The following LRRC37A2 variants were observed in gnomAD, a reference collection of about 807,000 sequenced individuals.
The protein encoded by LRRC37A2 is leucine rich repeat containing 37 member A2.
In LRRC37A2, 9 loss-of-function variants were observed where a neutral mutation model predicts 68.8. The observed-to-expected ratio is 0.13, with a 90% CI of 0.08 to 0.23. The LOEUF (loss-of-function observed/expected upper bound fraction) is 0.23. LRRC37A2 is among the 10% of genes least tolerant of loss of function. The pLI is 1.00. For synonymous variants in LRRC37A2, 63 were observed against 367.6 expected, an observed-to-expected ratio of 0.17 and a Z score of 9.48; for missense variants, 168 against 950.4, an observed-to-expected ratio of 0.18 and a Z score of 10.82.
the LRRC37A2 span, among the ~76,000 whole-genome samples, chr17:46,896,365 A>G: frequency 4.0e-4 from 60 of 149,496 alleles, no homozygotes; most frequent in Admixed American, 1.9e-3. Flanking sequence ...AAAAGAAAGA[A>G]AGAGAGAGAG....
the LRRC37A2 span, among the ~76,000 whole-genome samples, chr17:46,454,078 AAC>A: frequency 1.1e-5 from 1 of 91,328 alleles, no homozygotes; most frequent in African/African-American, 4.1e-5. Flanking sequence ...TTTAGTTCAA[AAC>A]ACATTAATTT....
intron 6 of LRRC37A2, among the ~76,000 whole-genome samples, chr17:46,534,863 G>A (rs574788305): frequency 6.7e-6 from 1 of 149,776 alleles, no homozygotes; most frequent in Non-Finnish European, 1.5e-5. Flanking sequence ...CGGCTGCCGG[G>A]CAGAGGGGCT....
At chr17:46,902,376 G>A in the LRRC37A2 span, among the ~76,000 whole-genome samples, 6 of 152,314 alleles carry the variant, frequency 3.9e-5, no homozygotes, top group East Asian at 9.6e-4. Context: ...CTGTGATGCG[G>A]AGGGTGCAAT....
chr17:46,976,755 T>C, the LRRC37A2 span, among the ~76,000 whole-genome samples: 1 of 151,646 alleles, frequency 6.6e-6, no homozygotes, highest in South Asian at 2.1e-4. Flanking sequence ...TGCCTGTAGC[T>C]GTCTGAGCTG....
the LRRC37A2 span, chr17:46,940,479 G>C: frequency 6.2e-6 from 10 of 1,612,606 alleles, no homozygotes; most frequent in South Asian, 5.5e-5. Context: ...GCGGTGCCAG[G>C]GACCTAGCGC....
chr17:46,893,865 G>C, the LRRC37A2 span, among the ~76,000 whole-genome samples: 17 of 152,142 alleles, frequency 1.1e-4, no homozygotes, highest in Non-Finnish European at 1.9e-4. Flanking sequence ...TCCCTGGTGG[G>C]GCCAGAGCAT....
At chr17:46,749,637 G>T in the LRRC37A2 span, 1 of 767,356 alleles carries the variant, frequency 1.3e-6, no homozygotes. Context: ...ATCCTGAATT[G>T]TTTTCTTCTG....
chr17:46,539,197 T>G (rs1314333414), intron 6 of LRRC37A2, among the ~76,000 whole-genome samples: 1 of 67,194 alleles, frequency 1.5e-5, no homozygotes, highest in African/African-American at 4.8e-5. Flanking sequence ...GGTGACAGAG[T>G]GAGACTCCAT....
the LRRC37A2 span, among the ~76,000 whole-genome samples, chr17:46,707,919 G>A: frequency 1.3e-5 from 2 of 151,796 alleles, no homozygotes; most frequent in Non-Finnish European, 2.9e-5. Context: ...TGTAATCCCA[G>A]CTACTCGGGA....
chr17:47,021,692 T>A, the LRRC37A2 span: 1 of 722,956 alleles, frequency 1.4e-6, no homozygotes, highest in African/African-American at 2.2e-5. Context: ...AATTTCTTGA[T>A]GAATTGTGCA....
the LRRC37A2 span, among the ~76,000 whole-genome samples, chr17:47,040,565 T>C: frequency 8.6e-6 from 1 of 116,958 alleles, no homozygotes; most frequent in Non-Finnish European, 1.8e-5. Context: ...ATGTCATGTG[T>C]TGCCACTAAA....
chr17:46,735,142 G>T, the LRRC37A2 span, among the ~76,000 whole-genome samples: 1 of 151,960 alleles, frequency 6.6e-6, no homozygotes, highest in Non-Finnish European at 1.5e-5. Flanking sequence ...TTCAAAATAG[G>T]GTTTTGTTTT....
chr17:46,976,884 C>A, the LRRC37A2 span, among the ~76,000 whole-genome samples: 3,789 of 152,328 alleles, frequency 0.025, 70 homozygotes, highest in Middle Eastern at 0.078. Context: ...TCAGGCTGGA[C>A]TTCCTGCAAG....
the LRRC37A2 span, chr17:46,931,149 G>A: frequency 6.2e-7 from 1 of 1,611,942 alleles, no homozygotes; most frequent in Non-Finnish European, 8.5e-7. Flanking sequence ...CAGCCGTCTA[G>A]AACGTCTGGA....
At chr17:46,987,850 A>T in the LRRC37A2 span, among the ~76,000 whole-genome samples, 3 of 152,244 alleles carry the variant, frequency 2.0e-5, no homozygotes, top group Non-Finnish European at 2.9e-5. Flanking sequence ...ACTTACACAT[A>T]CTTTAATAAT....
At chr17:47,022,563 C>G in the LRRC37A2 span, among the ~76,000 whole-genome samples, 1 of 152,178 alleles carries the variant, frequency 6.6e-6, no homozygotes, top group African/African-American at 2.4e-5. Flanking sequence ...TAATGCTACT[C>G]TGCATTTAGT....
At chr17:47,024,730 G>A in the LRRC37A2 span, 21 of 861,618 alleles carry the variant, frequency 2.4e-5, no homozygotes, top group African/African-American at 5.0e-5. Flanking sequence ...TCATTTGAAG[G>A]CCTGCTATCC....
At chr17:46,869,856 A>G in the LRRC37A2 span, among the ~76,000 whole-genome samples, 1 of 151,956 alleles carries the variant, frequency 6.6e-6, no homozygotes, top group Non-Finnish European at 1.5e-5. Context: ...AAAATTAGCC[A>G]GGGATGGTGG....
At chr17:46,970,555 A>G in the LRRC37A2 span, among the ~76,000 whole-genome samples, 2 of 151,344 alleles carry the variant, frequency 1.3e-5, no homozygotes, top group Non-Finnish European at 2.9e-5. Context: ...AAAAAAAAAA[A>G]AAAAACTCAA....
Sources: gnomAD v4.1 joint callset for allele counts (sites outside exome capture counted in the v4.1 genomes callset) on GRCh38, gnomAD v4.1.1 for gene constraint, MANE v1.5 for transcripts, NCBI Gene and HGNC (gene_info 2026-07-23, HGNC 2026-07-21) for gene names.